Variants in NOS1AP observed in about 807,000 individuals in gnomAD.
NOS1AP encodes carboxyl-terminal PDZ ligand of neuronal nitric oxide synthase protein.
Under a neutral mutation model 56.2 loss-of-function variants are expected in NOS1AP, and 21 were observed. The ratio of observed to expected loss-of-function variants is 0.37; its 90% CI spans 0.26 to 0.54. NOS1AP has a LOEUF of 0.54. Among genes scored for constraint, NOS1AP ranks in the 20% least tolerant of loss-of-function variants. The probability of loss-of-function intolerance (pLI) is 0.84; values close to 1 mark genes in which losing one functional copy is unlikely to be tolerated. For missense variants in NOS1AP, 522 were observed against 657.8 expected (o/e 0.79, Z 2.26); for synonymous variants, 270 against 274.6 (o/e 0.98, Z 0.17).
intron 3 of NOS1AP, among the ~76,000 whole-genome samples, chr1:162,292,777 G>T (rs965565193): frequency 6.6e-6 from 1 of 152,224 alleles, no homozygotes; most frequent in Admixed American, 6.5e-5. Flanking sequence ...AAACAGTAGT[G>T]CTGGTTACTA....
At chr1:162,105,998 C>G (rs185057571) in intron 1 of NOS1AP, among the ~76,000 whole-genome samples, 1 of 152,312 alleles carries the variant, frequency 6.6e-6, no homozygotes, top group Non-Finnish European at 1.5e-5. Context: ...GCCATGGATG[C>G]CGGGGCCAGA....
intron 5 of NOS1AP, among the ~76,000 whole-genome samples, chr1:162,334,826 T>A (rs943856322): frequency 6.6e-6 from 1 of 152,198 alleles, no homozygotes; most frequent in African/African-American, 2.4e-5. Flanking sequence ...TACCGATGAA[T>A]AAACTGAGGC....
chr1:162,339,242 T>G (rs1321696818), intron 5 of NOS1AP, among the ~76,000 whole-genome samples: 1 of 152,142 alleles, frequency 6.6e-6, no homozygotes, highest in African/African-American at 2.4e-5. Flanking sequence ...ATATCCAGCC[T>G]AATCTTGACA....
intron 2 of NOS1AP, among the ~76,000 whole-genome samples, chr1:162,201,570 A>G (rs73017347): frequency 0.16 from 24,037 of 152,218 alleles, 2,109 homozygotes; most frequent in South Asian, 0.23. Context: ...TCCCATCAAC[A>G]GTGTATAGTG....
At chr1:162,332,791 A>AC (rs1164080671) in intron 4 of NOS1AP, among the ~76,000 whole-genome samples, 1 of 152,126 alleles carries the variant, frequency 6.6e-6, no homozygotes, top group African/African-American at 2.4e-5. Flanking sequence ...TCCATGTCCT[A>AC]CCCCTGCCCC....
chr1:162,356,887 A>G (rs2101821283), intron 7 of NOS1AP, 73 bp from the exon 8 acceptor site: 1 of 1,610,804 alleles, frequency 6.2e-7, no homozygotes, highest in Non-Finnish European at 8.5e-7. Flanking sequence ...TCCTGAGTGC[A>G]TGCCAAAGAG....
At chr1:162,351,347 C>A (rs571220236) in intron 6 of NOS1AP, among the ~76,000 whole-genome samples, 1 of 152,318 alleles carries the variant, frequency 6.6e-6, no homozygotes, top group Non-Finnish European at 1.5e-5. Flanking sequence ...TCTGGCTAAA[C>A]CCCAATTCTA....
intron 2 of NOS1AP, among the ~76,000 whole-genome samples, chr1:162,155,716 C>G (rs1482349709): frequency 6.6e-6 from 1 of 152,116 alleles, no homozygotes; most frequent in East Asian, 1.9e-4. Flanking sequence ...CTTCTGATAC[C>G]TGTGAAGGAA....
At chr1:162,365,230 G>C in intron 8 of NOS1AP, 174 bp from the exon 9 acceptor site, 10 of 1,463,724 alleles carry the variant, frequency 6.8e-6, no homozygotes, top group Non-Finnish European at 9.0e-6. Flanking sequence ...ACTCCTTTTG[G>C]CTCCTCCTCT....
At chr1:162,263,459 C>T (rs980793086) in intron 2 of NOS1AP, among the ~76,000 whole-genome samples, 7 of 152,204 alleles carry the variant, frequency 4.6e-5, no homozygotes, top group African/African-American at 1.7e-4. Context: ...CACCTCCTAA[C>T]ACTGTTGCAT....
chr1:162,311,025 T>A (rs1018975624), intron 4 of NOS1AP, among the ~76,000 whole-genome samples: 8 of 152,122 alleles, frequency 5.3e-5, no homozygotes, highest in Non-Finnish European at 8.8e-5. Context: ...TTTCCTTTTT[T>A]TAACCCTGCT....
chr1:162,144,100 A>G (rs1161145882), intron 1 of NOS1AP, among the ~76,000 whole-genome samples: 2 of 152,180 alleles, frequency 1.3e-5, no homozygotes, highest in African/African-American at 4.8e-5. Context: ...ATCCCCGTCC[A>G]TTCCTTGTAA....
chr1:162,231,308 C>T (rs977738647), intron 2 of NOS1AP, among the ~76,000 whole-genome samples: 8 of 152,168 alleles, frequency 5.3e-5, no homozygotes, highest in African/African-American at 1.9e-4. Flanking sequence ...CTACTCAAGT[C>T]TTCTGCCCAT....
At chr1:162,325,587 C>A in intron 4 of NOS1AP, among the ~76,000 whole-genome samples, 1 of 152,062 alleles carries the variant, frequency 6.6e-6, no homozygotes, top group East Asian at 1.9e-4. Flanking sequence ...CCCTTCTTCC[C>A]GAGACCAGGA....
At chr1:162,301,855 G>C (rs145800155) in intron 4 of NOS1AP, among the ~76,000 whole-genome samples, 1 of 152,250 alleles carries the variant, frequency 6.6e-6, no homozygotes, top group South Asian at 2.1e-4. Flanking sequence ...GGAACTCAAC[G>C]TGTGAAGTTG....
intron 4 of NOS1AP, chr1:162,317,079 T>C (rs1018677811): frequency 2.6e-5 from 4 of 152,126 alleles, no homozygotes; most frequent in African/African-American, 7.3e-5. Context: ...TTGTTTGTAT[T>C]AATTGCTCCA....
In NOS1AP at chr1:162,367,843, T is replaced by G; in HGVS notation, c.*376T>G. ...GTGATGCCCCCCTACCCCCTCACTC[T>G]CCCCGTCTCCATGGTCCCGACCAGG... On this transcript the variant is annotated 3_prime_UTR_variant, in exon 10 of 10. Transcript: ENST00000361897. This position sits in a 1 kb window ranked among gnomAD's most constrained non-coding sequence, Gnocchi z 6.5. 4.7e-6 allele frequency: 1 copy of G among 213,688 alleles called. No individual in the cohort carries two copies. Among genetic ancestry groups the G allele is most frequent in the Non-Finnish European group, 9.4e-6 (1 of 106,102 alleles). 13.2% of individuals were successfully genotyped at this position (213,688 alleles called of 1,614,324 possible).
chr1:162,345,996 G>A (rs1308813503), intron 6 of NOS1AP, among the ~76,000 whole-genome samples: 2 of 152,146 alleles, frequency 1.3e-5, no homozygotes, highest in Admixed American at 6.5e-5. Context: ...GCTTATAATA[G>A]GTAAAACTCA....
intron 2 of NOS1AP, among the ~76,000 whole-genome samples, chr1:162,156,202 C>T (rs528159365): frequency 7.2e-5 from 11 of 152,158 alleles, no homozygotes; most frequent in Non-Finnish European, 1.3e-4. Flanking sequence ...TTCATGGACA[C>T]AGTAAGAAGT....
Sources: gnomAD v4.1 joint callset for allele counts (sites outside exome capture counted in the v4.1 genomes callset) on GRCh38, gnomAD v4.1.1 for gene constraint, Gnocchi (gnomAD v3.1) non-coding constraint, MANE v1.5 for transcripts, NCBI Gene and HGNC (gene_info 2026-07-23, HGNC 2026-07-21) for gene names.